Variants in C1QTNF3 observed in about 807,000 individuals in gnomAD.
C1QTNF3 encodes the protein C1q and TNF related 3.
Under a neutral mutation model 32.6 loss-of-function variants are expected in C1QTNF3, and 26 were observed. The observed-to-expected ratio is 0.80, with a 90% CI of 0.58 to 1.11. The LOEUF (loss-of-function observed/expected upper bound fraction) is 1.11. Among genes scored for constraint, C1QTNF3 ranks in the 50% least tolerant of loss-of-function variants. The pLI, the probability that C1QTNF3 is intolerant of heterozygous loss-of-function variation, is 0.00. For synonymous variants in C1QTNF3, 155 were observed against 146.0 expected (o/e 1.06, Z -0.44); for missense variants, 362 against 398.2 (o/e 0.91, Z 0.77).
the C1QTNF3 span, among the ~76,000 whole-genome samples, chr5:34,121,383 T>C: frequency 1.3e-5 from 2 of 152,118 alleles, no homozygotes; most frequent in African/African-American, 4.8e-5. Context: ...GGAGGTACAG[T>C]TCCACATGGC....
At chr5:34,162,412 T>C in the C1QTNF3 span, among the ~76,000 whole-genome samples, 4 of 152,150 alleles carry the variant, frequency 2.6e-5, no homozygotes, top group Admixed American at 2.6e-4. Flanking sequence ...TCACCTCTTA[T>C]TAGGCCCTAA....
chr5:34,171,198 T>TAAAAC, the C1QTNF3 span, among the ~76,000 whole-genome samples: 6 of 152,054 alleles, frequency 3.9e-5, no homozygotes, highest in African/African-American at 1.4e-4. Flanking sequence ...ACAGGGTAGT[T>TAAAAC]TTAGAGTTCA....
the C1QTNF3 span, among the ~76,000 whole-genome samples, chr5:34,146,903 T>C: frequency 6.6e-6 from 1 of 152,092 alleles, no homozygotes; most frequent in Admixed American, 6.5e-5. Flanking sequence ...TATTCGCAAA[T>C]ATATACCAAT....
At chr5:34,124,157 T>C in the C1QTNF3 span, 7 of 362,820 alleles carry the variant, frequency 1.9e-5, no homozygotes, top group Non-Finnish European at 3.0e-5. Context: ...ACACAGATAC[T>C]GAAATGTTGT....
At chr5:34,043,281 G>A, upstream of C1QTNF3, 2 of 707,810 alleles carry the variant, frequency 2.8e-6, no homozygotes, top group South Asian at 1.9e-5. Flanking sequence ...GCATGCCAGA[G>A]TGACAGCAGC....
chr5:34,062,724 TTAAGG>T, the C1QTNF3 span, among the ~76,000 whole-genome samples: 3 of 152,230 alleles, frequency 2.0e-5, no homozygotes, highest in Non-Finnish European at 2.9e-5. Flanking sequence ...TCAGATCTTT[TTAAGG>T]TAATAAAGAT....
chr5:34,195,959 G>A, the C1QTNF3 span, among the ~76,000 whole-genome samples: 5 of 152,414 alleles, frequency 3.3e-5, no homozygotes, highest in South Asian at 8.3e-4. Flanking sequence ...AGCCCCTGTG[G>A]TGGCATTACT....
the C1QTNF3 span, among the ~76,000 whole-genome samples, chr5:34,114,223 G>T: frequency 5.8e-4 from 88 of 152,208 alleles, 1 homozygote; most frequent in Middle Eastern, 3.4e-3. Context: ...TTTACAGGGG[G>T]TCAGTGAGTC....
the C1QTNF3 span, among the ~76,000 whole-genome samples, chr5:34,147,489 AAAG>A: frequency 1.3e-5 from 2 of 152,158 alleles, no homozygotes; most frequent in African/African-American, 2.4e-5. Context: ...GCCATAGAAA[AAAG>A]AACGAAATCA....
At chr5:34,030,179 A>C (rs1754577327) in intron 3 of C1QTNF3, among the ~76,000 whole-genome samples, 1 of 152,230 alleles carries the variant, frequency 6.6e-6, no homozygotes, top group East Asian at 1.9e-4. Flanking sequence ...GGAACTGTAA[A>C]GTTTAGAGAT....
At chr5:34,195,743 C>A in the C1QTNF3 span, among the ~76,000 whole-genome samples, 1 of 152,052 alleles carries the variant, frequency 6.6e-6, no homozygotes, top group Non-Finnish European at 1.5e-5. Context: ...AGGAGGCTGA[C>A]GCAGGAGAAT....
the C1QTNF3 span, among the ~76,000 whole-genome samples, chr5:34,203,969 T>C: frequency 6.6e-6 from 1 of 151,788 alleles, no homozygotes; most frequent in Non-Finnish European, 1.5e-5. Flanking sequence ...AGCAAGAGGA[T>C]ATAACAATTC....
At chr5:34,229,871 G>A in the C1QTNF3 span, among the ~76,000 whole-genome samples, 7 of 152,252 alleles carry the variant, frequency 4.6e-5, no homozygotes, top group South Asian at 1.5e-3. Context: ...AATGTCATAA[G>A]TGTGGTGTTC....
upstream of C1QTNF3, among the ~76,000 whole-genome samples, chr5:34,045,930 A>C (rs1754978264): frequency 6.6e-6 from 1 of 152,178 alleles, no homozygotes; most frequent in African/African-American, 2.4e-5. Context: ...AATATGACCT[A>C]TTTAAAAATA....
rs772621983 is a variant in C1QTNF3 at position 34,033,290 on chromosome 5, C to T, written c.570+14G>A. 18 of 1,612,876 alleles carry T rather than the reference C, an allele frequency of 1.1e-5. No individual in the cohort carries two copies. The highest frequency in any genetic ancestry group is 8.9e-5 in the East Asian group (4 of 44,840). On this transcript the variant is annotated intron_variant, in intron 3 of 5. Transcript: ENST00000382065. ...GTTGGAAAGCCACCAGGAGATGTAC[C>T]GAGGATGGTTTACCTGAAGTTCTGG...
At chr5:34,182,729 C>G in the C1QTNF3 span, 1 of 521,930 alleles carries the variant, frequency 1.9e-6, no homozygotes, top group Non-Finnish European at 3.9e-6. Flanking sequence ...GTACGGCCAC[C>G]AGAGGTTGGC....
At chr5:34,029,958 C>T (rs939053771) in intron 3 of C1QTNF3, among the ~76,000 whole-genome samples, 4 of 152,236 alleles carry the variant, frequency 2.6e-5, no homozygotes, top group South Asian at 4.1e-4. Flanking sequence ...CAGTAATCAT[C>T]TCTTGGCATG....
chr5:34,072,411 A>AAG, the C1QTNF3 span, among the ~76,000 whole-genome samples: 1 of 151,810 alleles, frequency 6.6e-6, no homozygotes, highest in African/African-American at 2.4e-5. Flanking sequence ...GAAAGAAAGA[A>AAG]AGAAAGAAAG....
chr5:34,122,130 C>T, the C1QTNF3 span, among the ~76,000 whole-genome samples: 1 of 152,080 alleles, frequency 6.6e-6, no homozygotes, highest in Non-Finnish European at 1.5e-5. Flanking sequence ...TAACATATAC[C>T]TAAACATATG....
Sources: gnomAD v4.1 joint callset for allele counts (sites outside exome capture counted in the v4.1 genomes callset) on GRCh38, gnomAD v4.1.1 for gene constraint, MANE v1.5 for transcripts, NCBI Gene and HGNC (gene_info 2026-07-23, HGNC 2026-07-21) for gene names.